The following GRHL3 variants were observed in gnomAD, a reference collection of about 807,000 sequenced individuals.
GRHL3 encodes the protein grainyhead like transcription factor 3.
In GRHL3, 20 loss-of-function variants were observed where a neutral mutation model predicts 70.3. The observed-to-expected ratio is 0.28, with a 90% CI of 0.20 to 0.41. GRHL3 has a LOEUF of 0.41. Among genes scored for constraint, GRHL3 ranks in the 10% least tolerant of loss-of-function variants. The probability of loss-of-function intolerance (pLI) is 1.00; values close to 1 mark genes in which losing one functional copy is unlikely to be tolerated. For synonymous variants in GRHL3, 299 were observed against 299.9 expected (o/e 1.00, Z 0.03); for missense variants, 637 against 762.3 (o/e 0.84, Z 1.94).
intron 7 of GRHL3, among the ~76,000 whole-genome samples, chr1:24,338,894 T>C (rs1173450755): frequency 2.0e-5 from 3 of 152,352 alleles, no homozygotes; most frequent in Middle Eastern, 3.4e-3. Context: ...GTAAACTGAA[T>C]ACTCAAAGCA....
At position 24,331,460 on chromosome 1, in the gene GRHL3, G is replaced by A. The variant is rs779698988; in HGVS notation, c.52G>A (p.Val18Ile). The A allele has an allele frequency of 1.2e-6, 2 of 1,613,538 alleles. No individual in the cohort carries two copies. Among genetic ancestry groups the A allele is most frequent in the East Asian group, 4.5e-5 (2 of 44,878 alleles). ...RSVRLLKNDP[V>I]NLQKFSYTSE... ...TGTGCGGCTGCTAAAGAACGACCCA[G>A]TCAACTTGCAGAAATTCTCTTACAC... is the stretch of plus-strand genomic sequence containing the variant. Residue 18 changes from valine (V) to isoleucine (I), a missense_variant, in exon 2 of 16, where the codon GTC (valine) becomes ATC (isoleucine). Physicochemically the swap from Val to Ile is conservative, Grantham distance 29. Coordinates refer to ENST00000361548, the MANE Select transcript of GRHL3 (RefSeq NM_198173.3).
At chr1:24,339,558 C>A in intron 7 of GRHL3, 110 bp from the exon 8 acceptor site, 1 of 659,160 alleles carries the variant, frequency 1.5e-6, no homozygotes, top group Non-Finnish European at 2.7e-6. Flanking sequence ...GGATTACAGG[C>A]GTGAGAAACC....
intron 3 of GRHL3, among the ~76,000 whole-genome samples, chr1:24,335,633 A>C (rs1010746978): frequency 2.0e-5 from 3 of 147,296 alleles, no homozygotes; most frequent in Non-Finnish European, 4.4e-5. Flanking sequence ...CCCAGGCTGG[A>C]GTGCAGTGGC....
intron 15 of GRHL3, among the ~76,000 whole-genome samples, chr1:24,361,999 C>T (rs573076677): frequency 8.9e-4 from 136 of 152,276 alleles, no homozygotes; most frequent in African/African-American, 3.0e-3. Flanking sequence ...ATAGAAGGGC[C>T]GCCTCCTTCT....
chr1:24,331,133 A>G (rs1238531393), intron 1 of GRHL3, among the ~76,000 whole-genome samples: 1 of 152,254 alleles, frequency 6.6e-6, no homozygotes, highest in Non-Finnish European at 1.5e-5. Flanking sequence ...GCACTATGAA[A>G]GTATTTTATT....
At chr1:24,361,090 G>A (rs1350092816) in intron 15 of GRHL3, 1 of 1,507,358 alleles carries the variant, frequency 6.6e-7, no homozygotes, top group Non-Finnish European at 9.0e-7. Context: ...GTCTAGTGGG[G>A]AAGGCACAGT....
chr1:24,338,084 G>A lies in GRHL3; in HGVS notation c.933G>A (p.Lys311=), dbSNP rs772416796. ...GGCATTCCCGGCAACCCACTGCCAA[G>A]CAGCGGGTCATTGACGTGGGTGAGA... ...KHWHSRQPTA[K]QRVIDVADCK... The change falls in exon 7 of 16, where the codon AAG becomes AAA. Residue 311 remains lysine (K), a synonymous_variant. Coordinates refer to ENST00000361548, the MANE Select transcript of GRHL3 (RefSeq NM_198173.3). 18 of 1,610,920 alleles carry A rather than the reference G, an allele frequency of 1.1e-5. No individual in the cohort carries two copies. In the Admixed American group the frequency reaches 3.0e-4, roughly 27 times the overall value.
At chr1:24,346,670 C>G in intron 13 of GRHL3, 29 bp downstream of exon 13, 1 of 1,537,250 alleles carries the variant, frequency 6.5e-7, no homozygotes, top group Non-Finnish European at 9.0e-7. Context: ...CATTTACTCA[C>G]CAGGCCCACC....
rs769176502 is a variant in GRHL3, at chr1:24,347,439, T to C, written c.1544-29T>C. On this transcript the variant is annotated intron_variant, in intron 13 of 15. Transcript: ENST00000361548. ...GATGATCCTGTTCACATTATCTTCC[T>C]TGCACTCAAGCTGGCCCTTGCTTTT... 3 of 1,576,584 alleles carry C rather than the reference T, an allele frequency of 1.9e-6. No homozygotes were observed. In the South Asian group the frequency reaches 3.3e-5, roughly 17 times the overall value.
At chr1:24,326,364 CCCCTCTTCTCCTCCA>C (rs1639388219) in intron 1 of GRHL3, among the ~76,000 whole-genome samples, 3 of 150,206 alleles carry the variant, frequency 2.0e-5, no homozygotes, top group South Asian at 4.3e-4. Context: ...TTCTCCTCCA[CCCCTCTTCTCCTCCA>C]CCCCTCTTCT....
At chr1:24,364,380 C>T in exon 16 of GRHL3, 1 of 1,531,392 alleles carries the variant, frequency 6.5e-7, no homozygotes, top group African/African-American at 1.4e-5. Flanking sequence ...GACACACCCA[C>T]CTGGAGGAGA....
At chr1:24,356,383 G>A (rs1032284460), downstream of GRHL3, among the ~76,000 whole-genome samples, 8 of 152,008 alleles carry the variant, frequency 5.3e-5, no homozygotes, top group African/African-American at 1.7e-4. Flanking sequence ...GGGATTACAC[G>A]TGCCCACCAC....
intron 3 of GRHL3, 99 bp from the exon 4 acceptor site, chr1:24,336,383 T>G (rs1486592883): frequency 9.2e-6 from 7 of 763,986 alleles, no homozygotes; most frequent in Non-Finnish European, 1.5e-5. Context: ...AACATTACAC[T>G]GGATCAAAGG....
At chr1:24,327,834 C>G (rs1251050270) in intron 1 of GRHL3, among the ~76,000 whole-genome samples, 1 of 152,220 alleles carries the variant, frequency 6.6e-6, no homozygotes, top group South Asian at 2.1e-4. Flanking sequence ...CTCTCACCTA[C>G]TGGCTCCTCA....
intron 5 of GRHL3, 177 bp from the exon 6 acceptor site, chr1:24,337,459 A>T (rs900467692): frequency 1.5e-6 from 1 of 657,298 alleles, no homozygotes; most frequent in African/African-American, 1.8e-5. Context: ...CTGTGGCTCA[A>T]CAAAGCCATT....
At chr1:24,358,726 C>T (rs1640891497), downstream of GRHL3, 1 of 770,270 alleles carries the variant, frequency 1.3e-6, no homozygotes, top group African/African-American at 1.7e-5. Context: ...CCTGTGCCAG[C>T]CCCTGTATCT....
intron 7 of GRHL3, 89 bp downstream of exon 7, chr1:24,338,192 C>G: frequency 1.2e-6 from 1 of 837,300 alleles, no homozygotes; most frequent in Non-Finnish European, 1.8e-6. Context: ...ACCCCTGTTT[C>G]CCTACCTGGC....
chr1:24,341,223 TGGGCATA>T (rs1640024257), intron 8 of GRHL3, among the ~76,000 whole-genome samples: 1 of 152,132 alleles, frequency 6.6e-6, no homozygotes, highest in Non-Finnish European at 1.5e-5. Context: ...GACCATCAGT[TGGGCATA>T]GGCTTTGGGA....
chr1:24,361,390 T>C (rs1641107390), intron 15 of GRHL3, among the ~76,000 whole-genome samples: 1 of 152,062 alleles, frequency 6.6e-6, no homozygotes, highest in Admixed American at 6.5e-5. Flanking sequence ...CGTGTATATC[T>C]CATGTGCCAA....
Sources: gnomAD v4.1 joint callset for allele counts (sites outside exome capture counted in the v4.1 genomes callset) on GRCh38, gnomAD v4.1.1 for gene constraint, MANE v1.5 for transcripts, NCBI Gene and HGNC (gene_info 2026-07-23, HGNC 2026-07-21) for gene names.